MUC17: variants seen among roughly 807,000 people sequenced by gnomAD.
MUC17 encodes mucin 17, cell surface associated.
In MUC17, 190 loss-of-function variants were observed where a neutral mutation model predicts 170.3. The ratio of observed to expected loss-of-function variants is 1.12; its 90% CI spans 0.99 to 1.26. MUC17 has a LOEUF of 1.26. Ranked by LOEUF, MUC17 falls within the 50% of genes most tolerant of loss-of-function variation. MUC17 has a pLI of 0.00. For synonymous variants in MUC17, 2,325 were observed against 2,002.5 expected, an observed-to-expected ratio of 1.16 and a Z score of -4.30; for missense variants, 6,415 against 5,530.0, an observed-to-expected ratio of 1.16 and a Z score of -5.08.
At chr7:101,055,251 T>A (rs1477950332) in intron 11 of MUC17, among the ~76,000 whole-genome samples, 1 of 151,642 alleles carries the variant, frequency 6.6e-6, no homozygotes, top group Non-Finnish European at 1.5e-5. Flanking sequence ...TAAAAAGGAT[T>A]TTTTTAAAAA....
At chr7:101,056,038 A>G (rs974500151) in intron 11 of MUC17, among the ~76,000 whole-genome samples, 156 bp from the exon 12 acceptor site, 1 of 152,218 alleles carries the variant, frequency 6.6e-6, no homozygotes, top group Non-Finnish European at 1.5e-5. Flanking sequence ...CTGCTGAGTC[A>G]GGTAATGTTG....
rs551944763 is a variant in MUC17 at position 101,038,120 on chromosome 7, C to T, written c.6704C>T (p.Ser2235Phe). 6.3e-7 allele frequency: 1 copy of T among 1,588,230 alleles called. No individual in the cohort carries two copies. Among genetic ancestry groups the T allele is most frequent in the African/African-American group, 1.4e-5 (1 of 73,072 alleles). The change falls in exon 3 of 13, where the codon TCT (serine) becomes TTT (phenylalanine). Residue 2235 changes from serine (S) to phenylalanine (F), a missense_variant. Transcript: ENST00000306151. The part of the protein sequence containing the change: ...MPVSTMPVVT[S>F]EASTLSATPV... ...GTCAGCACCATGCCGGTAGTTACTT[C>T]TGAGGCTAGCACCCTTTCAGCAACT...
rs1794494440 is a variant in MUC17 at position 101,036,723 on chromosome 7, T to A, written c.5307T>A (p.Leu1769=). ...TPVLSSEAST[L]SATPIDTSTP... is the part of the protein sequence containing the mutation. ...TACTCAGTTCTGAGGCTAGCACCCTTTCAGCAACTCCTATTGACACCAGCA... is the reference window on the plus strand; with the variant it reads ...TACTCAGTTCTGAGGCTAGCACCCTATCAGCAACTCCTATTGACACCAGCA... Residue 1769 remains leucine (L), a synonymous_variant, in exon 3 of 13, where the codon CTT becomes CTA. Coordinates refer to ENST00000306151, the MANE Select transcript of MUC17 (RefSeq NM_001040105.2). The A allele has an allele frequency of 6.2e-7, 1 of 1,612,656 alleles. No individual in the cohort carries two copies. Among genetic ancestry groups the A allele is most frequent in the South Asian group, 1.1e-5 (1 of 90,848 alleles).
In MUC17 at chr7:101,020,099, G is replaced by A; in HGVS notation, c.-37G>A. 2 of 1,552,512 alleles carry A rather than the reference G, an allele frequency of 1.3e-6. No homozygotes were observed. Among genetic ancestry groups the A allele is most frequent in the Non-Finnish European group, 1.7e-6 (2 of 1,145,574 alleles). ...TGAGGCTCATTTCGCCAGCTCCTCT[G>A]GGGGTGACAGGCAAGTGAGACGTGC... On this transcript the variant is annotated 5_prime_UTR_variant, in exon 1 of 13. Coordinates refer to ENST00000306151, the MANE Select transcript of MUC17 (RefSeq NM_001040105.2).
chr7:101,037,185 A>G lies in MUC17; in HGVS notation c.5769A>G (p.Glu1923=), dbSNP rs1211236463. 1.9e-6 allele frequency: 3 copies of G among 1,612,814 alleles called. No homozygotes were observed. Among genetic ancestry groups the G allele is most frequent in the African/African-American group, 2.7e-5 (2 of 74,862 alleles). Residue 1923 remains glutamate (E), a synonymous_variant, in exon 3 of 13, where the codon GAA becomes GAG. Coordinates refer to ENST00000306151, the MANE Select transcript of MUC17 (RefSeq NM_001040105.2). ...GSSMPTSTPR[E]GRPPLTSIPV... ...GCATGCCAACCTCAACTCCTAGGGA[A>G]GGAAGGCCTCCATTAACAAGTATAC...
chr7:101,050,436 G>C (rs766337360), intron 6 of MUC17, 48 bp from the exon 7 acceptor site: 1 of 1,588,644 alleles, frequency 6.3e-7, no homozygotes, highest in African/African-American at 1.3e-5. Context: ...AGATTCTAGA[G>C]GTAAGCACCC....
chr7:101,038,463 G>A lies in MUC17; in HGVS notation c.7047G>A (p.Met2349Ile). 6.2e-7 allele frequency: 1 copy of A among 1,604,064 alleles called. No homozygotes were observed. Among genetic ancestry groups the A allele is most frequent in the Non-Finnish European group, 8.5e-7 (1 of 1,174,256 alleles). The stretch of plus-strand genomic sequence containing the variant: ...CACGTATGCCTGTCAGCACCACAAT[G>A]GTGGCCAGTTTTGAAACAAGCACAC... ...PLTRMPVSTT[M>I]VASFETSTLS... Residue 2349 changes from methionine to isoleucine, a missense_variant, in exon 3 of 13, where the codon ATG (methionine) becomes ATA (isoleucine). Met to Ile is a conservative substitution (Grantham distance 10). Transcript: ENST00000306151.
Position 101,021,577 on chromosome 7 carries a change from C to G in MUC17, c.82+1360C>G, listed in dbSNP as rs1340765873. Among the ~76,000 whole-genome samples the G allele has an allele frequency of 2.6e-5, 4 of 152,130 alleles. 1 individual carries two copies. In the East Asian group the frequency reaches 7.8e-4, roughly 29 times the overall value. ...CCCTCTCTTCTCTTTCTTCTTCTCC[C>G]CACCTCTCCTTGGCCCCTTCCTGGC... On this transcript the variant is annotated intron_variant, in intron 1 of 12. Coordinates refer to ENST00000306151, the MANE Select transcript of MUC17 (RefSeq NM_001040105.2).
chr7:101,031,103 C>G lies in MUC17; in HGVS notation c.83-17C>G. Reference sequence around the variant, plus strand: ...GATCATGGCTCTGGGATACTAACTCCCCTTTGTCTCTTTCAGACCTCAGTG... The same window carrying G: ...GATCATGGCTCTGGGATACTAACTCGCCTTTGTCTCTTTCAGACCTCAGTG... On this transcript the variant is annotated splice_polypyrimidine_tract_variant and intron_variant, in intron 1 of 12. Coordinates refer to ENST00000306151, the MANE Select transcript of MUC17 (RefSeq NM_001040105.2). 3 of 1,600,040 alleles carry G rather than the reference C, an allele frequency of 1.9e-6. No individual in the cohort carries two copies. The highest frequency in any genetic ancestry group is 2.6e-6 in the Non-Finnish European group (3 of 1,172,892).
In MUC17 at chr7:101,042,337, C is replaced by T; in HGVS notation, c.10921C>T (p.Pro3641Ser). Residue 3641 changes from proline (P) to serine (S), a missense_variant, in exon 3 of 13, where the codon CCT becomes TCT. Coordinates refer to ENST00000306151, the MANE Select transcript of MUC17 (RefSeq NM_001040105.2). ...SEVSTPLTIM[P>S]VSTTSVTISE... Reference sequence around the variant, plus strand: ...AGTAAGCACTCCATTAACCATTATGCCTGTCAGCACCACATCGGTGACCAT... The same window carrying T: ...AGTAAGCACTCCATTAACCATTATGTCTGTCAGCACCACATCGGTGACCAT... 1.2e-6 allele frequency: 2 copies of T among 1,614,186 alleles called. No individual in the cohort carries two copies. The highest frequency in any genetic ancestry group is 1.7e-6 in the Non-Finnish European group (2 of 1,180,018).
intron 7 of MUC17, 103 bp downstream of exon 7, chr7:101,050,738 G>A: frequency 2.0e-6 from 3 of 1,468,464 alleles, no homozygotes; most frequent in Non-Finnish European, 2.7e-6. Flanking sequence ...TAATGGGTGG[G>A]TGCAAGAATC....
At chr7:101,052,946 C>T (rs750656163) in intron 9 of MUC17, 40 bp from the exon 10 acceptor site, 49 of 1,591,056 alleles carry the variant, frequency 3.1e-5, no homozygotes, top group Middle Eastern at 1.9e-4. Flanking sequence ...GTGCTGACTC[C>T]GTTCTCTCTC....
At position 101,032,271 on chromosome 7, in the gene MUC17, G is replaced by T. The variant is rs766329313; in HGVS notation, c.855G>T (p.Met285Ile). 1.2e-6 allele frequency: 2 copies of T among 1,613,702 alleles called. No individual in the cohort carries two copies. The highest frequency in any genetic ancestry group is 1.7e-6 in the Non-Finnish European group (2 of 1,179,816). Reference sequence around the variant, plus strand: ...TAACAAGAATGCCTCTCAGCGTGATGCTGGTGGTCAGTTCTGAGGCTAGCA... The same window carrying T: ...TAACAAGAATGCCTCTCAGCGTGATTCTGGTGGTCAGTTCTGAGGCTAGCA... The part of the protein sequence containing the change: ...TPLTRMPLSV[M>I]LVVSSEASTL... Residue 285 changes from methionine to isoleucine, a missense_variant, in exon 3 of 13, where the codon ATG becomes ATT. Transcript: ENST00000306151.
intron 2 of MUC17, 125 bp downstream of exon 2, chr7:101,031,346 C>T: frequency 2.1e-6 from 3 of 1,422,670 alleles, no homozygotes; most frequent in Non-Finnish European, 2.8e-6. Flanking sequence ...GATCTGGGGC[C>T]AGGAATTACA....
chr7:101,043,019 T>C lies in MUC17; in HGVS notation c.11603T>C (p.Ile3868Thr), dbSNP rs973549538. The change falls in exon 3 of 13, where the codon ATT (isoleucine) becomes ACT (threonine). Residue 3868 changes from isoleucine to threonine, a missense_variant. Ile to Thr is a moderately conservative substitution (Grantham distance 89). Coordinates refer to ENST00000306151, the MANE Select transcript of MUC17 (RefSeq NM_001040105.2). Reference protein sequence around the residue: ...PAEVTTIRISITSERSTPLTT... With the variant: ...PAEVTTIRISTTSERSTPLTT... ...GAAGTCACTACCATACGTATTTCAA[T>C]TACCAGTGAAAGAAGCACTCCATTA... The C allele has an allele frequency of 6.2e-7, 1 of 1,613,928 alleles. No individual in the cohort carries two copies. The highest frequency in any genetic ancestry group is 8.5e-7 in the Non-Finnish European group (1 of 1,179,984).
rs765952464 is a variant in MUC17 at position 101,043,419 on chromosome 7, C to A, written c.12003C>A (p.Pro4001=). 104 of 1,614,050 alleles carry A rather than the reference C, an allele frequency of 6.4e-5. No homozygotes were observed. The highest frequency in any genetic ancestry group is 8.2e-5 in the Non-Finnish European group (97 of 1,180,038). ...FTTPAMTTAA[P]LTYVTMSTAP... is the part of the protein sequence containing the mutation. The stretch of plus-strand genomic sequence containing the variant: ...CACCCGCAATGACTACTGCAGCTCC[C>A]CTCACATATGTGACCATGTCTACTG... The change falls in exon 3 of 13, where the codon CCC becomes CCA. Residue 4001 remains proline (P), a synonymous_variant. Coordinates refer to ENST00000306151, the MANE Select transcript of MUC17 (RefSeq NM_001040105.2).
At chr7:101,055,696 G>A (rs1795033160) in intron 11 of MUC17, among the ~76,000 whole-genome samples, 1 of 151,722 alleles carries the variant, frequency 6.6e-6, no homozygotes, top group East Asian at 1.9e-4. Flanking sequence ...ACAAATAGAG[G>A]GTACACATTT....
chr7:101,041,693 C>G lies in MUC17; in HGVS notation c.10277C>G (p.Ser3426Cys). The change falls in exon 3 of 13, where the codon TCC becomes TGC. Residue 3426 changes from serine to cysteine, a missense_variant. Coordinates refer to ENST00000306151, the MANE Select transcript of MUC17 (RefSeq NM_001040105.2). ...ACCCTTTCAACAACTCCTGTGGACT[C>G]CAACACTCTGGTGACCACTTCTACT... Reference protein sequence around the residue: ...VNTLSTTPVDSNTLVTTSTEA... With the variant: ...VNTLSTTPVDCNTLVTTSTEA... The G allele has an allele frequency of 6.2e-7, 1 of 1,613,930 alleles. No homozygotes were observed. The highest frequency in any genetic ancestry group is 8.5e-7 in the Non-Finnish European group (1 of 1,179,996).
chr7:101,036,918 C>G lies in MUC17; in HGVS notation c.5502C>G (p.Asp1834Glu). 1 of 1,612,670 alleles carries G rather than the reference C, an allele frequency of 6.2e-7. No individual in the cohort carries two copies. The highest frequency in any genetic ancestry group is 8.5e-7 in the Non-Finnish European group (1 of 1,179,156). ...GCACCCTTTCAACAACTCCTGTTGA[C>G]TCTAACAGTCCTGTGGTCACTTCTA... ...EASTLSTTPVDSNSPVVTSTA... is the reference protein window; with the variant it reads ...EASTLSTTPVESNSPVVTSTA... The change falls in exon 3 of 13, where the codon GAC (aspartate) becomes GAG (glutamate). Residue 1834 changes from aspartate (D) to glutamate (E), a missense_variant. Physicochemically the swap from Asp to Glu is conservative, Grantham distance 45. Coordinates refer to ENST00000306151, the MANE Select transcript of MUC17 (RefSeq NM_001040105.2).
Sources: gnomAD v4.1 joint callset for allele counts (sites outside exome capture counted in the v4.1 genomes callset) on GRCh38, gnomAD v4.1.1 for gene constraint, MANE v1.5 for transcripts, NCBI Gene and HGNC (gene_info 2026-07-23, HGNC 2026-07-21) for gene names.